SLC9A9: variants seen among roughly 807,000 people sequenced by gnomAD.
SLC9A9 encodes solute carrier family 9 member A9, also known as sodium/hydrogen exchanger 9.
Under a neutral mutation model 77.8 loss-of-function variants are expected in SLC9A9, and 62 were observed. The observed-to-expected ratio is 0.80, with a 90% CI of 0.65 to 0.98. The LOEUF is 0.98. Ranked by LOEUF, SLC9A9 falls within the 50% of genes least tolerant of loss-of-function variation. The probability of loss-of-function intolerance (pLI) is 0.00; values close to 1 mark genes in which losing one functional copy is unlikely to be tolerated. For missense variants in SLC9A9, 775 were observed against 774.9 expected (o/e 1.00, Z 0.00); for synonymous variants, 320 against 283.5 (o/e 1.13, Z -1.29).
chr3:143,278,020 C>T (rs74814507), intron 14 of SLC9A9, among the ~76,000 whole-genome samples: 4,189 of 152,186 alleles, frequency 0.028, 182 homozygotes, highest in African/African-American at 0.096. Flanking sequence ...GGGGCTGGGT[C>T]CCCCGCTTGG....
chr3:143,466,964 G>A, intron 12 of SLC9A9, 73 bp downstream of exon 12: 1 of 1,553,954 alleles, frequency 6.4e-7, no homozygotes, highest in East Asian at 2.3e-5. Context: ...TATTGACTAA[G>A]TCAGCAATAC....
intron 12 of SLC9A9, among the ~76,000 whole-genome samples, chr3:143,453,535 A>G (rs1204126011): frequency 6.6e-6 from 1 of 152,164 alleles, no homozygotes; most frequent in East Asian, 1.9e-4. Context: ...ATATTTCATC[A>G]TACTAACAAA....
intron 14 of SLC9A9, among the ~76,000 whole-genome samples, chr3:143,282,738 G>A (rs1365211236): frequency 6.6e-6 from 1 of 152,166 alleles, no homozygotes; most frequent in Admixed American, 6.5e-5. Context: ...AAGAAAGATA[G>A]GACTGTGGTG....
intron 12 of SLC9A9, among the ~76,000 whole-genome samples, chr3:143,385,653 TA>T (rs2033406483): frequency 6.6e-6 from 1 of 152,268 alleles, no homozygotes; most frequent in Non-Finnish European, 1.5e-5. Flanking sequence ...AAAGATCATT[TA>T]TACGTAATGA....
At chr3:143,310,156 G>A (rs2030961771) in intron 14 of SLC9A9, among the ~76,000 whole-genome samples, 1 of 152,196 alleles carries the variant, frequency 6.6e-6, no homozygotes, top group South Asian at 2.1e-4. Context: ...GACAGAGGCT[G>A]TAGAGTCAAC....
intron 4 of SLC9A9, among the ~76,000 whole-genome samples, chr3:143,700,542 G>A (rs1933767015): frequency 6.6e-6 from 1 of 152,192 alleles, no homozygotes; most frequent in Admixed American, 6.5e-5. Context: ...TACTTCCTGT[G>A]GGCCTATAGT....
chr3:143,353,304 C>G lies in SLC9A9; in HGVS notation c.1604+10180G>C, dbSNP rs75450243. On this transcript the variant is annotated intron_variant, in intron 14 of 15. Transcript: ENST00000316549. Reference sequence around the variant, plus strand: ...GTCTCTCCAAATTCACACGTTGAAGCCTGACTCCCAAGGTGATCACATTAA... The same window carrying G: ...GTCTCTCCAAATTCACACGTTGAAGGCTGACTCCCAAGGTGATCACATTAA... Among the ~76,000 whole-genome samples, 361 of 152,292 alleles carry G rather than the reference C, an allele frequency of 2.4e-3. 5 individuals carry two copies. Among genetic ancestry groups the G allele is most frequent in the East Asian group, 0.012 (64 of 5,184 alleles).
chr3:143,601,215 T>A (rs1161441998), intron 6 of SLC9A9, among the ~76,000 whole-genome samples: 1 of 152,168 alleles, frequency 6.6e-6, no homozygotes, highest in Non-Finnish European at 1.5e-5. Context: ...TTGTAGGTGC[T>A]GGAGATATGC....
chr3:143,545,221 C>A (rs1334199692), intron 9 of SLC9A9, among the ~76,000 whole-genome samples: 1 of 152,084 alleles, frequency 6.6e-6, no homozygotes, highest in Non-Finnish European at 1.5e-5. Context: ...GTGACAATAT[C>A]CTAATTAACT....
intron 4 of SLC9A9, among the ~76,000 whole-genome samples, chr3:143,764,229 A>T (rs1164300358): frequency 6.6e-6 from 1 of 152,170 alleles, no homozygotes; most frequent in African/African-American, 2.4e-5. Flanking sequence ...GAGCTCTCTC[A>T]GTTATGTCAA....
At chr3:143,517,526 C>T (rs1475889585) in intron 9 of SLC9A9, 13 of 1,597,486 alleles carry the variant, frequency 8.1e-6, no homozygotes, top group East Asian at 4.5e-5. Context: ...ATACTTTCTC[C>T]GATGTTCTGC....
At chr3:143,734,012 C>A (rs969201644) in intron 4 of SLC9A9, among the ~76,000 whole-genome samples, 1 of 152,060 alleles carries the variant, frequency 6.6e-6, no homozygotes, top group Non-Finnish European at 1.5e-5. Flanking sequence ...GCCTGGGAAA[C>A]ATAGCAAGAC....
chr3:143,723,385 C>G (rs1934553974), intron 4 of SLC9A9, among the ~76,000 whole-genome samples: 1 of 152,130 alleles, frequency 6.6e-6, no homozygotes, highest in Non-Finnish European at 1.5e-5. Flanking sequence ...GGGATTCAAA[C>G]CTGCCATTGC....
chr3:143,529,241 T>C (rs2036462801), intron 9 of SLC9A9, among the ~76,000 whole-genome samples: 1 of 152,146 alleles, frequency 6.6e-6, no homozygotes, highest in Non-Finnish European at 1.5e-5. Context: ...AATACTGAGA[T>C]AGCTAAGAAA....
At chr3:143,587,685 G>C (rs2037566680) in intron 6 of SLC9A9, among the ~76,000 whole-genome samples, 1 of 152,240 alleles carries the variant, frequency 6.6e-6, no homozygotes, top group Non-Finnish European at 1.5e-5. Flanking sequence ...GAGGACAGGG[G>C]TGTGATGGAA....
chr3:143,519,375 T>C (rs1377267360), intron 9 of SLC9A9, among the ~76,000 whole-genome samples: 2 of 152,072 alleles, frequency 1.3e-5, no homozygotes, highest in Non-Finnish European at 2.9e-5. Flanking sequence ...ACTCTAGTTA[T>C]AGTGAAGAGC....
chr3:143,291,450 C>T (rs2029965918), intron 14 of SLC9A9, among the ~76,000 whole-genome samples: 1 of 152,180 alleles, frequency 6.6e-6, no homozygotes, highest in African/African-American at 2.4e-5. Flanking sequence ...GATACCCTCA[C>T]ATCATCTCTC....
chr3:143,399,323 A>C (rs1265851840), intron 12 of SLC9A9, among the ~76,000 whole-genome samples: 4 of 152,224 alleles, frequency 2.6e-5, no homozygotes, highest in Admixed American at 2.6e-4. Context: ...TTCTCTGGTC[A>C]AATCTGTTAT....
intron 9 of SLC9A9, among the ~76,000 whole-genome samples, chr3:143,498,113 A>G (rs577516915): frequency 6.6e-6 from 1 of 152,354 alleles, no homozygotes; most frequent in African/African-American, 2.4e-5. Flanking sequence ...ATTGAAATCT[A>G]ACACTTCCCA....
Sources: gnomAD v4.1 joint callset for allele counts (sites outside exome capture counted in the v4.1 genomes callset) on GRCh38, gnomAD v4.1.1 for gene constraint, MANE v1.5 for transcripts, NCBI Gene and HGNC (gene_info 2026-07-23, HGNC 2026-07-21) for gene names.